DDX10: variants seen among roughly 807,000 people sequenced by gnomAD.
DDX10 encodes probable ATP-dependent RNA helicase DDX10.
A neutral mutation model predicts 104.3 loss-of-function variants in DDX10; 74 were observed. The observed-to-expected ratio is 0.71, with a 90% CI of 0.59 to 0.86. DDX10 has a LOEUF of 0.86. Among genes scored for constraint, DDX10 ranks in the 40% least tolerant of loss-of-function variants. The pLI is 0.00. For synonymous variants in DDX10, 351 were observed against 353.4 expected, an observed-to-expected ratio of 0.99 and a Z score of 0.08; for missense variants, 952 against 1,040.0, an observed-to-expected ratio of 0.92 and a Z score of 1.16.
intron 13 of DDX10, among the ~76,000 whole-genome samples, chr11:108,829,105 C>T (rs1288076930): frequency 6.6e-6 from 1 of 152,138 alleles, no homozygotes; most frequent in Non-Finnish European, 1.5e-5. Flanking sequence ...TGGGTAGATA[C>T]CTAATAGTGG....
Position 108,864,404 on chromosome 11 carries a change from T to C in DDX10, c.2304+12195T>C, listed in dbSNP as rs1862980073. 2.0e-5 allele frequency among the ~76,000 whole-genome samples: 3 copies of C among 151,584 alleles called. No individual in the cohort carries two copies. In the South Asian group the frequency reaches 6.2e-4, roughly 32 times the overall value. ...ATTAAGAACCAGTGGTCTATATCCA[T>C]ATATAGAATAAACTTTATATATATA... On this transcript the variant is annotated intron_variant, in intron 16 of 17. Coordinates refer to ENST00000322536, the MANE Select transcript of DDX10 (RefSeq NM_004398.4).
chr11:108,900,304 TA>T (rs1486508104), intron 16 of DDX10, among the ~76,000 whole-genome samples: 3 of 152,178 alleles, frequency 2.0e-5, no homozygotes, highest in Admixed American at 6.5e-5. Flanking sequence ...TGGTCTCAGG[TA>T]TTTCTTTATA....
intron 13 of DDX10, among the ~76,000 whole-genome samples, chr11:108,749,068 CTTTCTCTCTCTCTCTCTCTA>C (rs1351382986): frequency 6.8e-6 from 1 of 147,064 alleles, no homozygotes; most frequent in Non-Finnish European, 1.5e-5. Flanking sequence ...CTCTCTCTCT[CTTTCTCTCTCTCTCTCTCTA>C]TATATATATT....
chr11:108,753,813 C>T (rs1267066041), intron 13 of DDX10, among the ~76,000 whole-genome samples: 2 of 151,878 alleles, frequency 1.3e-5, no homozygotes, highest in Non-Finnish European at 2.9e-5. Flanking sequence ...TTTGGTGTTA[C>T]TCTGAGCCAC....
At chr11:108,808,005 A>T (rs564219771) in intron 13 of DDX10, among the ~76,000 whole-genome samples, 1 of 152,308 alleles carries the variant, frequency 6.6e-6, no homozygotes, top group South Asian at 2.1e-4. Flanking sequence ...TACGTCAGGT[A>T]ACACAGTTTC....
At position 108,736,132 on chromosome 11, in the gene DDX10, AC is replaced by A. The variant is rs1249376483; in HGVS notation, c.1965+12674del. Among the ~76,000 whole-genome samples the A allele has an allele frequency of 3.4e-5, 5 of 148,762 alleles. No homozygotes were observed. In the East Asian group the frequency reaches 9.9e-4, roughly 29 times the overall value. On this transcript the variant is annotated intron_variant, in intron 13 of 17. Coordinates refer to ENST00000322536, the MANE Select transcript of DDX10 (RefSeq NM_004398.4). ...TAAAGTTAAAATATGAGAAAAATGAACCCCTCTTTGCTTCCCTAGTTCTTTT... is the reference window on the plus strand; with the variant it reads ...TAAAGTTAAAATATGAGAAAAATGAACCCTCTTTGCTTCCCTAGTTCTTTT...
intron 13 of DDX10, among the ~76,000 whole-genome samples, chr11:108,747,938 T>C (rs889232582): frequency 1.3e-5 from 2 of 152,052 alleles, no homozygotes; most frequent in Non-Finnish European, 2.9e-5. Context: ...CACATACATA[T>C]ACAGTAGGAG....
chr11:108,808,290 T>G lies in DDX10; in HGVS notation c.1966-30156T>G, dbSNP rs559154902. Among the ~76,000 whole-genome samples the G allele has an allele frequency of 7.2e-5, 11 of 152,178 alleles. No individual in the cohort carries two copies. In the South Asian group the frequency reaches 2.3e-3, roughly 32 times the overall value. ...TACTTTGAGAATGTAATATGTAGAC[T>G]ACCTGTATAATTTGACCTCTAAGTC... On this transcript the variant is annotated intron_variant, in intron 13 of 17. Coordinates refer to ENST00000322536, the MANE Select transcript of DDX10 (RefSeq NM_004398.4).
chr11:108,883,269 G>A (rs1319172292), intron 16 of DDX10, among the ~76,000 whole-genome samples: 1 of 152,072 alleles, frequency 6.6e-6, no homozygotes, highest in Non-Finnish European at 1.5e-5. Context: ...AAAAATCACT[G>A]ACAGAATCTC....
chr11:108,792,372 C>T (rs1209168262), intron 13 of DDX10, among the ~76,000 whole-genome samples: 1 of 152,132 alleles, frequency 6.6e-6, no homozygotes, highest in African/African-American at 2.4e-5. Context: ...CTTTGTTCTG[C>T]GCGCTTTCTA....
intron 13 of DDX10, among the ~76,000 whole-genome samples, chr11:108,817,467 C>T (rs1410189723): frequency 6.6e-6 from 1 of 152,176 alleles, no homozygotes; most frequent in Admixed American, 6.5e-5. Context: ...TTCAGAAAGG[C>T]CTTTCCTATT....
intron 13 of DDX10, among the ~76,000 whole-genome samples, chr11:108,745,066 C>CCTTCCCCCTTCCCCCTTCCCT (rs2094329814): frequency 8.6e-6 from 1 of 115,860 alleles, no homozygotes; most frequent in African/African-American, 3.4e-5. Flanking sequence ...CCCCCTTCCC[C>CCTTCCCCCTTCCCCCTTCCCT]CTTCCCCCTT....
At chr11:108,909,276 C>T (rs1311432821) in intron 16 of DDX10, among the ~76,000 whole-genome samples, 1 of 152,194 alleles carries the variant, frequency 6.6e-6, no homozygotes, top group Non-Finnish European at 1.5e-5. Flanking sequence ...TGGGCAGACA[C>T]ATTCATATGC....
At position 108,841,359 on chromosome 11, in the gene DDX10, T is replaced by A; in HGVS notation, c.2130T>A (p.Asp710Glu). The A allele has an allele frequency of 6.2e-7, 1 of 1,613,660 alleles. No homozygotes were observed. The highest frequency in any genetic ancestry group is 8.5e-7 in the Non-Finnish European group (1 of 1,179,858). The change falls in exon 15 of 18, where the codon GAT becomes GAA. Residue 710 changes from aspartate to glutamate, a missense_variant. Asp to Glu is a conservative substitution (Grantham distance 45). Around this residue, in one of 3 missense-constraint regions of DDX10, gnomAD observed 533 missense variants for 534.1 expected, o/e 1.00. Coordinates refer to ENST00000322536, the MANE Select transcript of DDX10 (RefSeq NM_004398.4). ...AAATGCAGAAATCTGCCATCAAGGATGCTGAGGAAGATGATGACACAGGTG... is the reference window on the plus strand; with the variant it reads ...AAATGCAGAAATCTGCCATCAAGGAAGCTGAGGAAGATGATGACACAGGTG... ...WPQMQKSAIK[D>E]AEEDDDTGGI...
intron 16 of DDX10, among the ~76,000 whole-genome samples, chr11:108,888,784 TAAA>T (rs61520289): frequency 2.7e-5 from 4 of 147,332 alleles, no homozygotes; most frequent in African/African-American, 9.9e-5. Context: ...TTCTATCGTT[TAAA>T]AAAAAAAAAC....
At chr11:108,900,915 T>G (rs758418116) in intron 16 of DDX10, among the ~76,000 whole-genome samples, 3 of 152,182 alleles carry the variant, frequency 2.0e-5, no homozygotes, top group Admixed American at 6.5e-5. Flanking sequence ...GTCTTGTGTC[T>G]TCGTTTATGC....
At chr11:108,837,722 A>AAGC (rs1466265089) in intron 13 of DDX10, among the ~76,000 whole-genome samples, 1 of 143,922 alleles carries the variant, frequency 6.9e-6, no homozygotes, top group Non-Finnish European at 1.5e-5. Flanking sequence ...TCCTGGGTTC[A>AAGC]AGCAATTCCC....
At chr11:108,880,797 A>G (rs1006355261) in intron 16 of DDX10, among the ~76,000 whole-genome samples, 1 of 152,208 alleles carries the variant, frequency 6.6e-6, no homozygotes, top group African/African-American at 2.4e-5. Context: ...TTCCTTAAGT[A>G]TGTAATCAAA....
intron 13 of DDX10, among the ~76,000 whole-genome samples, chr11:108,736,544 T>A (rs759221218): frequency 3.3e-5 from 5 of 152,186 alleles, no homozygotes; most frequent in Non-Finnish European, 5.9e-5. Context: ...ATTTGAATGT[T>A]GTCAGTGGAA....
Sources: allele counts gnomAD v4.1 joint callset (sites outside exome capture counted in the v4.1 genomes callset), GRCh38; gene constraint gnomAD v4.1.1; regional missense constraint gnomAD v4.1.1; transcripts MANE v1.5; gene names NCBI Gene and HGNC (gene_info 2026-07-23, HGNC 2026-07-21).